Variants in GPM6A observed in about 807,000 individuals in gnomAD.
GPM6A encodes neuronal membrane glycoprotein M6-a.
A neutral mutation model predicts 32.1 loss-of-function variants in GPM6A; 7 were observed. The ratio of observed to expected loss-of-function variants is 0.22; its 90% CI spans 0.12 to 0.41. The LOEUF is 0.41. GPM6A is among the 10% of genes least tolerant of loss of function. The probability of loss-of-function intolerance (pLI) is 1.00; values close to 1 mark genes in which losing one functional copy is unlikely to be tolerated. For missense variants in GPM6A, 235 were observed against 347.2 expected (o/e 0.68, Z 2.57); for synonymous variants, 130 against 123.4 (o/e 1.05, Z -0.35).
At chr4:175,715,347 G>A (rs915048955) in intron 1 of GPM6A, among the ~76,000 whole-genome samples, 2 of 152,124 alleles carry the variant, frequency 1.3e-5, no homozygotes, top group East Asian at 1.9e-4. Flanking sequence ...GCTTTCACTC[G>A]GGATTGTTCA....
At chr4:175,858,100 C>T (rs868844856) in intron 1 of GPM6A, among the ~76,000 whole-genome samples, 11 of 151,934 alleles carry the variant, frequency 7.2e-5, no homozygotes, top group East Asian at 5.8e-4. Flanking sequence ...GTAAATAGGT[C>T]GGCCAAAGAT....
intron 1 of GPM6A, among the ~76,000 whole-genome samples, chr4:175,803,948 A>G (rs1178018816): frequency 6.6e-6 from 1 of 151,534 alleles, no homozygotes; most frequent in African/African-American, 2.4e-5. Context: ...TATTCAAAGC[A>G]TTCTTTTCAC....
At chr4:175,984,149 T>C (rs1371290496) in intron 1 of GPM6A, among the ~76,000 whole-genome samples, 1 of 152,026 alleles carries the variant, frequency 6.6e-6, no homozygotes, top group Non-Finnish European at 1.5e-5. Flanking sequence ...TCTATTATTG[T>C]TTATTTTTAT....
At chr4:175,675,813 C>T (rs1229490673) in intron 2 of GPM6A, among the ~76,000 whole-genome samples, 1 of 151,914 alleles carries the variant, frequency 6.6e-6, no homozygotes, top group Non-Finnish European at 1.5e-5. Flanking sequence ...CCATGCCTTG[C>T]AAATTTCTTC....
At chr4:175,850,824 G>T (rs144037169) in intron 1 of GPM6A, among the ~76,000 whole-genome samples, 11 of 149,466 alleles carry the variant, frequency 7.4e-5, no homozygotes. Context: ...TACATTTTTC[G>T]TATGTATTAT....
In GPM6A at chr4:175,838,644, ATTTTT is replaced by A. The variant is rs569099649; in HGVS notation, c.-22-26400_-22-26396del. On this transcript the variant is annotated intron_variant, in intron 1 of 7. Transcript: ENST00000280187. ...AGGATATGGTGGTTTCTAGCAGTGA[ATTTTT>A]TTTTTTTTTTTTTTTTTTTTTTTGA... 7.3e-3 allele frequency among the ~76,000 whole-genome samples: 586 copies of A among 79,806 alleles called. 1 individual carries two copies. The highest frequency in any genetic ancestry group is 0.02 in the African/African-American group (349 of 17,596). 52.4% of individuals were successfully genotyped at this position (79,806 alleles called of 152,430 possible).
intron 1 of GPM6A, among the ~76,000 whole-genome samples, chr4:175,777,465 G>T (rs534642627): frequency 3.4e-4 from 51 of 151,856 alleles, no homozygotes; most frequent in Admixed American, 1.0e-3. Context: ...TACTAAACAT[G>T]CAGTTATCTC....
intron 1 of GPM6A, among the ~76,000 whole-genome samples, chr4:175,999,826 T>C (rs762491637): frequency 1.3e-5 from 2 of 152,190 alleles, no homozygotes; most frequent in Non-Finnish European, 2.9e-5. Flanking sequence ...TTCCCTCTTA[T>C]CCTAGCCATT....
At chr4:175,885,759 G>A in intron 1 of GPM6A, among the ~76,000 whole-genome samples, 1 of 152,180 alleles carries the variant, frequency 6.6e-6, no homozygotes, top group Non-Finnish European at 1.5e-5. Context: ...TAAAATTCTA[G>A]TCTTAATCGG....
At chr4:175,956,225 A>C (rs1175839075) in intron 1 of GPM6A, among the ~76,000 whole-genome samples, 2 of 152,186 alleles carry the variant, frequency 1.3e-5, no homozygotes, top group Non-Finnish European at 2.9e-5. Flanking sequence ...CCAGAAAGAC[A>C]CATGTTCTGT....
chr4:175,956,979 A>G (rs1740007662), intron 1 of GPM6A, among the ~76,000 whole-genome samples: 1 of 152,224 alleles, frequency 6.6e-6, no homozygotes, highest in Admixed American at 6.5e-5. Context: ...ATTACTCAAT[A>G]TTCTCTATCA....
chr4:175,843,162 G>A (rs947408946), intron 1 of GPM6A, among the ~76,000 whole-genome samples: 2 of 151,944 alleles, frequency 1.3e-5, no homozygotes, highest in Admixed American at 6.6e-5. Flanking sequence ...TGAGCACAAG[G>A]AAAATATTTG....
intron 1 of GPM6A, among the ~76,000 whole-genome samples, chr4:175,990,606 AAAAT>A: frequency 6.6e-6 from 1 of 152,130 alleles, no homozygotes; most frequent in African/African-American, 2.4e-5. Context: ...AGTCAACACT[AAAAT>A]AAATTTAAAA....
chr4:175,721,957 C>A (rs947373609), intron 1 of GPM6A, among the ~76,000 whole-genome samples: 1 of 152,008 alleles, frequency 6.6e-6, no homozygotes, highest in Non-Finnish European at 1.5e-5. Context: ...TCCTTTTGTT[C>A]TCAAGTGTGG....
At chr4:175,874,350 C>G (rs1037172142) in intron 1 of GPM6A, among the ~76,000 whole-genome samples, 10 of 152,044 alleles carry the variant, frequency 6.6e-5, no homozygotes, top group Admixed American at 1.3e-4. Flanking sequence ...GCTGCAAAAG[C>G]TGAAAAGGGA....
intron 1 of GPM6A, among the ~76,000 whole-genome samples, chr4:175,737,049 A>G (rs1397192038): frequency 1.3e-5 from 2 of 152,238 alleles, no homozygotes; most frequent in East Asian, 3.8e-4. Context: ...TGTATTGACT[A>G]TATTCCTGAC....
rs186952970 is a variant in GPM6A, at chr4:175,733,002, C to T, written c.38-31235G>A. 1.8e-3 allele frequency among the ~76,000 whole-genome samples: 269 copies of T among 152,214 alleles called. 1 individual carries two copies. The highest frequency in any genetic ancestry group is 6.3e-3 in the African/African-American group (260 of 41,530). On this transcript the variant is annotated intron_variant, in intron 1 of 6. Coordinates refer to ENST00000393658, the MANE Select transcript of GPM6A (RefSeq NM_201591.3). ...GAGTTAAGCTATAAGCCACAACCAC[C>T]GAGTGTGGGACCCAAGTTAGGGACA...
At position 175,970,000 on chromosome 4, in the gene GPM6A, C is replaced by A. The variant is rs543253266; in HGVS notation, c.-23+32309G>T. 3.9e-5 allele frequency among the ~76,000 whole-genome samples: 6 copies of A among 152,248 alleles called. No individual in the cohort carries two copies. The South Asian group carries it at 1.2e-3, about 32-fold the overall frequency. ...ATTTAACTACTTTTACTTTCAGGACCAATTCAGCAATTACTTTCAGATATT... is the reference window on the plus strand; with the variant it reads ...ATTTAACTACTTTTACTTTCAGGACAAATTCAGCAATTACTTTCAGATATT... On this transcript the variant is annotated intron_variant, in intron 1 of 7. Coordinates refer to the GPM6A transcript ENST00000280187.
At chr4:175,809,396 C>G (rs907609926) in intron 1 of GPM6A, among the ~76,000 whole-genome samples, 3 of 141,582 alleles carry the variant, frequency 2.1e-5, no homozygotes, top group African/African-American at 8.1e-5. Flanking sequence ...TTTTTTTTTT[C>G]TATACTAGAA....
Sources: allele counts gnomAD v4.1 joint callset (sites outside exome capture counted in the v4.1 genomes callset), GRCh38; gene constraint gnomAD v4.1.1; transcripts MANE v1.5; gene names NCBI Gene and HGNC (gene_info 2026-07-23, HGNC 2026-07-21).